The following PARD3B variants were observed in gnomAD, a reference collection of about 807,000 sequenced individuals.
The protein encoded by PARD3B is par-3 family cell polarity regulator beta.
PARD3B carries 103 observed loss-of-function variants against 130.2 expected under a neutral mutation model. The observed-to-expected ratio is 0.79, with a 90% CI of 0.67 to 0.93. The LOEUF (loss-of-function observed/expected upper bound fraction) is 0.93, where lower values mean the gene tolerates loss of function less well. PARD3B is among the 40% of genes least tolerant of loss of function. The pLI, the probability that PARD3B is intolerant of heterozygous loss-of-function variation, is 0.00. For synonymous variants in PARD3B, 583 were observed against 553.2 expected (o/e 1.05, Z -0.76); for missense variants, 1,609 against 1,499.2 (o/e 1.07, Z -1.21).
At chr2:205,502,097 T>C (rs1269405687) in intron 21 of PARD3B, among the ~76,000 whole-genome samples, 1 of 152,152 alleles carries the variant, frequency 6.6e-6, no homozygotes, top group African/African-American at 2.4e-5. Flanking sequence ...CTCAGCATCC[T>C]TTCCTCTCCT....
intron 18 of PARD3B, among the ~76,000 whole-genome samples, chr2:205,398,399 A>G (rs1356586524): frequency 6.6e-6 from 1 of 152,210 alleles, no homozygotes; most frequent in African/African-American, 2.4e-5. Context: ...GTGAAAAAAA[A>G]GGAATAAATT....
rs2043541699 is a variant in PARD3B at position 205,341,815 on chromosome 2, T to TAAAAAAAAAAA, written c.2630+40115_2630+40116insAAAAAAAAAAA. Among the ~76,000 whole-genome samples the TAAAAAAAAAAA allele has an allele frequency of 6.6e-6, 1 of 152,182 alleles. No homozygotes were observed. The highest frequency in any genetic ancestry group is 2.4e-5 in the African/African-American group (1 of 41,466). On this transcript the variant is annotated intron_variant, in intron 18 of 22. Coordinates refer to ENST00000406610, the MANE Select transcript of PARD3B (RefSeq NM_001302769.2). This position sits in a 1 kb window ranked among gnomAD's most constrained non-coding sequence, Gnocchi z 4.3. ...TTTGTCATTATACATTATATGTGCA[T>TAAAAAAAAAAA]ATTAAAATATCACTCTGTATTACTC...
chr2:204,632,441 C>T (rs1444542789), intron 1 of PARD3B, among the ~76,000 whole-genome samples: 1 of 152,122 alleles, frequency 6.6e-6, no homozygotes, highest in African/African-American at 2.4e-5. Context: ...TTATCTACCT[C>T]TGATCTTTGA....
Position 205,375,283 on chromosome 2 carries a change from T to C in PARD3B, c.2631-25730T>C, listed in dbSNP as rs534263875. Among the ~76,000 whole-genome samples, 6 of 152,328 alleles carry C rather than the reference T, an allele frequency of 3.9e-5. No homozygotes were observed. In the East Asian group the frequency reaches 1.2e-3, roughly 29 times the overall value. On this transcript the variant is annotated intron_variant, in intron 18 of 22. Coordinates refer to ENST00000406610, the MANE Select transcript of PARD3B (RefSeq NM_001302769.2). The stretch of plus-strand genomic sequence containing the variant: ...ACAATGTAAAGAACACTGAGATAAT[T>C]TGGATATATTCCTGATTTCAGGTAG...
intron 2 of PARD3B, among the ~76,000 whole-genome samples, chr2:204,917,488 A>G (rs1482856807): frequency 1.3e-5 from 2 of 152,142 alleles, no homozygotes; most frequent in African/African-American, 4.8e-5. Context: ...AACTAGAGGT[A>G]TGAGTTGATT....
chr2:205,387,782 G>A (rs900985109), intron 18 of PARD3B, among the ~76,000 whole-genome samples: 31 of 152,230 alleles, frequency 2.0e-4, no homozygotes, highest in Admixed American at 1.8e-3. Context: ...TAAATCCAAA[G>A]CCAAATACAG....
At chr2:205,167,368 A>AT (rs879899672) in intron 11 of PARD3B, among the ~76,000 whole-genome samples, 152 of 150,646 alleles carry the variant, frequency 1.0e-3, no homozygotes, top group Admixed American at 3.4e-3. Flanking sequence ...TGGTGTAAAT[A>AT]TTTTTTTTTT....
intron 10 of PARD3B, among the ~76,000 whole-genome samples, chr2:205,149,040 C>T (rs906295727): frequency 2.6e-5 from 4 of 152,134 alleles, no homozygotes; most frequent in African/African-American, 7.2e-5. Context: ...CACTTGCATG[C>T]GTGAATCAGG....
intron 2 of PARD3B, among the ~76,000 whole-genome samples, chr2:204,944,517 G>A (rs990545459): frequency 6.6e-6 from 1 of 152,220 alleles, no homozygotes; most frequent in Non-Finnish European, 1.5e-5. Flanking sequence ...CCTGTCTGAG[G>A]AAAGGGATCC....
intron 1 of PARD3B, among the ~76,000 whole-genome samples, chr2:204,624,432 A>G (rs549374579): frequency 2.2e-4 from 34 of 152,348 alleles, no homozygotes; most frequent in Non-Finnish European, 3.8e-4. Context: ...ATGAAAAAAT[A>G]GAAATATGTA....
chr2:204,951,281 A>T (rs115907479), intron 2 of PARD3B, among the ~76,000 whole-genome samples: 98 of 152,324 alleles, frequency 6.4e-4, no homozygotes, highest in African/African-American at 2.2e-3. Flanking sequence ...TAGATTCATG[A>T]ATTTGATGAT....
At chr2:204,652,659 G>T (rs2035517924) in intron 1 of PARD3B, among the ~76,000 whole-genome samples, 1 of 152,134 alleles carries the variant, frequency 6.6e-6, no homozygotes, top group Non-Finnish European at 1.5e-5. Context: ...TTGTAGCAGT[G>T]CTCCACTAAT....
intron 1 of PARD3B, among the ~76,000 whole-genome samples, chr2:204,590,419 G>T (rs907166490): frequency 6.6e-6 from 1 of 152,178 alleles, no homozygotes; most frequent in Non-Finnish European, 1.5e-5. Context: ...AAGAAACGTT[G>T]GCAAGAATGC....
intron 1 of PARD3B, among the ~76,000 whole-genome samples, chr2:204,685,343 C>T (rs776319258): frequency 2.0e-5 from 3 of 152,148 alleles, no homozygotes; most frequent in Non-Finnish European, 4.4e-5. Flanking sequence ...AAACCTTACT[C>T]ATGTTTTTCT....
intron 21 of PARD3B, among the ~76,000 whole-genome samples, chr2:205,532,787 A>ATCTT (rs2051659423): frequency 6.6e-6 from 1 of 152,202 alleles, no homozygotes; most frequent in Admixed American, 6.5e-5. Context: ...ATCAGACCAC[A>ATCTT]TCTTTAAAAA....
intron 18 of PARD3B, among the ~76,000 whole-genome samples, chr2:205,357,854 TAAG>T (rs1427386880): frequency 6.6e-6 from 1 of 152,128 alleles, no homozygotes; most frequent in Middle Eastern, 3.2e-3. Flanking sequence ...AGCAATAAAA[TAAG>T]AAGGCATAGA....
chr2:205,409,255 T>G (rs2046515485), intron 19 of PARD3B, among the ~76,000 whole-genome samples: 1 of 152,108 alleles, frequency 6.6e-6, no homozygotes, highest in Non-Finnish European at 1.5e-5. Flanking sequence ...ATATCCATCT[T>G]TCCTAGAATG....
chr2:204,632,684 G>T (rs2034723637), intron 1 of PARD3B, among the ~76,000 whole-genome samples: 1 of 152,138 alleles, frequency 6.6e-6, no homozygotes, highest in African/African-American at 2.4e-5. Flanking sequence ...TGTTCCTACG[G>T]TTGCAGAGAT....
chr2:204,839,542 C>A (rs953279915), intron 2 of PARD3B, among the ~76,000 whole-genome samples: 1 of 152,136 alleles, frequency 6.6e-6, no homozygotes, highest in East Asian at 1.9e-4. Flanking sequence ...CTGATGTGGC[C>A]ATGCACTCGA....
Sources: allele counts gnomAD v4.1 joint callset (sites outside exome capture counted in the v4.1 genomes callset), GRCh38; gene constraint gnomAD v4.1.1; non-coding constraint Gnocchi (gnomAD v3.1); transcripts MANE v1.5; gene names NCBI Gene and HGNC (gene_info 2026-07-23, HGNC 2026-07-21).